Variants in CLCN6 observed in about 807,000 individuals in gnomAD.
The protein encoded by CLCN6 is H(+)/Cl(-) exchange transporter 6.
A neutral mutation model predicts 109.8 loss-of-function variants in CLCN6; 70 were observed. That is an observed-to-expected ratio of 0.64 (90% confidence interval 0.53 to 0.78). CLCN6 has a LOEUF of 0.78. Ranked by LOEUF, CLCN6 falls within the 30% of genes least tolerant of loss-of-function variation. The pLI is 0.00. For synonymous variants in CLCN6, 444 were observed against 447.8 expected, an observed-to-expected ratio of 0.99 and a Z score of 0.11; for missense variants, 984 against 1,142.3, an observed-to-expected ratio of 0.86 and a Z score of 2.00.
chr1:11,811,412 C>T (rs367728373), intron 2 of CLCN6, among the ~76,000 whole-genome samples: 3 of 146,384 alleles, frequency 2.0e-5, no homozygotes, highest in Admixed American at 6.8e-5. Context: ...GACGGAGTTT[C>T]GCTCTTGTTG....
chr1:11,837,299 C>G (rs1012454023), intron 19 of CLCN6, 44 bp from the exon 20 acceptor site: 1 of 1,595,108 alleles, frequency 6.3e-7, no homozygotes. Flanking sequence ...CAGAAGCGCT[C>G]CCGCTGAGGG....
intron 12 of CLCN6, 97 bp from the exon 13 acceptor site, chr1:11,829,099 G>A: frequency 1.4e-6 from 2 of 1,437,918 alleles, no homozygotes; most frequent in South Asian, 2.5e-5. Flanking sequence ...ATGCTGTTTG[G>A]AGAAATCGGG....
intron 2 of CLCN6, among the ~76,000 whole-genome samples, chr1:11,815,175 TA>T (rs1644654062): frequency 6.6e-6 from 1 of 152,224 alleles, no homozygotes; most frequent in Non-Finnish European, 1.5e-5. Flanking sequence ...TGGTTCTGGC[TA>T]ACTGAAACTT....
chr1:11,806,416 G>A lies in CLCN6; in HGVS notation c.87+67G>A, dbSNP rs555535290. 1.5e-5 allele frequency: 21 copies of A among 1,401,256 alleles called. No individual in the cohort carries two copies. The Middle Eastern group carries it at 7.4e-4, about 49-fold the overall frequency. The allele number at this position is 1,401,256 out of a possible 1,614,324, so 86.8% of individuals were successfully genotyped here. On this transcript the variant is annotated intron_variant, in intron 1 of 22. Transcript: ENST00000346436. ...TAAGGGACTGAGAGAGGCGTTGCCG[G>A]GGGTGGGGCCGGGCCAATCTGGGCC...
intron 5 of CLCN6, chr1:11,820,711 A>G (rs146777460): frequency 0.14 from 30,933 of 228,214 alleles, 2,271 homozygotes; most frequent in South Asian, 0.17. Flanking sequence ...AGCTTGCAGT[A>G]AGCCAAGATC....
intron 2 of CLCN6, among the ~76,000 whole-genome samples, chr1:11,814,041 C>T (rs1395954589): frequency 6.6e-6 from 1 of 152,014 alleles, no homozygotes; most frequent in Non-Finnish European, 1.5e-5. Context: ...CTCCAGGACT[C>T]ATAAAAAAAG....
At chr1:11,827,243 A>C in intron 10 of CLCN6, 22 bp downstream of exon 10, 2 of 1,600,614 alleles carry the variant, frequency 1.2e-6, no homozygotes, top group South Asian at 1.1e-5. Flanking sequence ...CTTCAGTGAA[A>C]GCATTAACCA....
intron 22 of CLCN6, 48 bp from the exon 23 acceptor site, chr1:11,840,095 C>A: frequency 6.6e-7 from 1 of 1,514,856 alleles, no homozygotes; most frequent in Non-Finnish European, 9.2e-7. Context: ...CCTGTTCTCG[C>A]CAGCGGGTTT....
Position 11,840,714 on chromosome 1 carries a change from T to C in CLCN6, c.*491T>C, listed in dbSNP as rs995260811. The C allele has an allele frequency of 5.1e-6, 1 of 197,046 alleles. No individual in the cohort carries two copies. Among genetic ancestry groups the C allele is most frequent in the African/African-American group, 2.3e-5 (1 of 44,108 alleles). The allele number at this position is 197,046 out of a possible 1,614,324, so 12.2% of individuals were successfully genotyped here. On this transcript the variant is annotated 3_prime_UTR_variant, in exon 23 of 23. Transcript: ENST00000346436. ...TTGGGCACTGAGAAAATTCTCAATA[T>C]TTCAGAGAGTCCTTCCCTTATTTGG...
chr1:11,812,617 C>A (rs1644612954), intron 2 of CLCN6, among the ~76,000 whole-genome samples: 1 of 134,664 alleles, frequency 7.4e-6, no homozygotes, highest in Non-Finnish European at 1.6e-5. Flanking sequence ...ATCTCATTAG[C>A]AAACAAAAGA....
intron 22 of CLCN6, among the ~76,000 whole-genome samples, chr1:11,839,794 A>G (rs1410410495): frequency 6.6e-6 from 1 of 152,232 alleles, no homozygotes; most frequent in Non-Finnish European, 1.5e-5. Context: ...GGTGGTGAGT[A>G]TGAGGCATGG....
Position 11,836,168 on chromosome 1 carries a change from A to T in CLCN6, c.1980+15A>T, listed in dbSNP as rs376028896. 2 of 1,608,192 alleles carry T rather than the reference A, an allele frequency of 1.2e-6. No individual in the cohort carries two copies. The highest frequency in any genetic ancestry group is 2.2e-5 in the South Asian group (2 of 90,320). ...TCAAGTTCAAGGTAAAGAAAACGGC[A>T]TGAGAGGAAAGGCAGGTGAGAGACA... On this transcript the variant is annotated intron_variant, in intron 18 of 22. Coordinates refer to ENST00000346436, the MANE Select transcript of CLCN6 (RefSeq NM_001286.5).
At chr1:11,821,571 G>A (rs1644744792) in intron 5 of CLCN6, among the ~76,000 whole-genome samples, 1 of 152,066 alleles carries the variant, frequency 6.6e-6, no homozygotes. Context: ...AAATAATACA[G>A]GAAGAACTCC....
chr1:11,807,344 T>G (rs747264600), intron 2 of CLCN6, among the ~76,000 whole-genome samples, 154 bp downstream of exon 2: 2 of 152,238 alleles, frequency 1.3e-5, no homozygotes, highest in Non-Finnish European at 2.9e-5. Context: ...AGAGACTGTT[T>G]AGCAAGCCCT....
intron 10 of CLCN6, among the ~76,000 whole-genome samples, chr1:11,827,758 T>A (rs1644831843): frequency 6.6e-6 from 1 of 152,202 alleles, no homozygotes; most frequent in East Asian, 1.9e-4. Context: ...AACTGGCTGT[T>A]GTCATAAAGC....
intron 2 of CLCN6, among the ~76,000 whole-genome samples, chr1:11,808,095 G>A (rs559157796): frequency 9.9e-5 from 15 of 152,272 alleles, no homozygotes; most frequent in African/African-American, 3.1e-4. Context: ...AGAATAATCT[G>A]TTGAAACCCC....
At chr1:11,810,139 A>G (rs1178397188) in intron 2 of CLCN6, among the ~76,000 whole-genome samples, 3 of 152,224 alleles carry the variant, frequency 2.0e-5, no homozygotes, top group African/African-American at 7.2e-5. Context: ...AGTCAACTAG[A>G]AAACCCTTCT....
In CLCN6 at chr1:11,823,694, TCTC is replaced by T; in HGVS notation, c.454-8_454-6del. ...GATTTCGAGTTATGGGTGTGCCTGCTCTCCTCCATCAGCCGGTGGCAGCAGGTT... is the reference window on the plus strand; with the variant it reads ...GATTTCGAGTTATGGGTGTGCCTGCTCTCCATCAGCCGGTGGCAGCAGGTT... On this transcript the variant is annotated splice_polypyrimidine_tract_variant and intron_variant, in intron 6 of 22. Coordinates refer to ENST00000346436, the MANE Select transcript of CLCN6 (RefSeq NM_001286.5). The T allele has an allele frequency of 6.2e-7, 1 of 1,614,038 alleles. No individual in the cohort carries two copies. The highest frequency in any genetic ancestry group is 8.5e-7 in the Non-Finnish European group (1 of 1,179,938).
Position 11,819,512 on chromosome 1 carries a change from G to T in CLCN6, c.304G>T (p.Val102Leu), listed in dbSNP as rs1349586920. The change falls in exon 5 of 23, where the codon GTG becomes TTG. Residue 102 changes from valine (V) to leucine (L), a missense_variant. Val to Leu is a conservative substitution (Grantham distance 32). Transcript: ENST00000346436. ...GGTGGGTCTCTTTGTGGACTTTTTTGTGCGACTCTTCACCCAACTCAAGTT... is the reference window on the plus strand; with the variant it reads ...GGTGGGTCTCTTTGTGGACTTTTTTTTGCGACTCTTCACCCAACTCAAGTT... ...GLVGLFVDFF[V>L]RLFTQLKFGV... is the part of the protein sequence containing the mutation. The T allele has an allele frequency of 1.2e-6, 2 of 1,614,172 alleles. No individual in the cohort carries two copies. The highest frequency in any genetic ancestry group is 4.5e-5 in the East Asian group (2 of 44,888).
Sources: allele counts gnomAD v4.1 joint callset (sites outside exome capture counted in the v4.1 genomes callset), GRCh38; gene constraint gnomAD v4.1.1; transcripts MANE v1.5; gene names NCBI Gene and HGNC (gene_info 2026-07-23, HGNC 2026-07-21).